TRMT9B: variants seen among roughly 807,000 people sequenced by gnomAD.
TRMT9B encodes tRNA methyltransferase 9B (putative).
Under a neutral mutation model 11.5 loss-of-function variants are expected in TRMT9B, and 16 were observed. The observed-to-expected ratio is 1.39, with a 90% CI of 0.94 to 2.11. The LOEUF is 2.11. Ranked by LOEUF, TRMT9B falls within the 30% of genes most tolerant of loss-of-function variation. The pLI is 0.00. For synonymous variants in TRMT9B, 274 were observed against 192.4 expected (o/e 1.42, Z -3.51); for missense variants, 941 against 553.8 (o/e 1.70, Z -7.02).
chr8:13,027,798 G>T lies in TRMT9B; in HGVS notation c.*5754G>T, dbSNP rs2128907307. 1.5e-5 allele frequency: 2 copies of T among 137,384 alleles called. No individual in the cohort carries two copies. Among genetic ancestry groups the T allele is most frequent in the Admixed American group, 1.8e-4 (2 of 10,880 alleles). 8.5% of individuals were successfully genotyped at this position (137,384 alleles called of 1,614,324 possible). On this transcript the variant is annotated 3_prime_UTR_variant, in exon 5 of 5. Coordinates refer to ENST00000524591, the MANE Select transcript of TRMT9B (RefSeq NM_020844.3). The stretch of plus-strand genomic sequence containing the variant: ...AGCAGATGGGAAAACCACGGAAGTG[G>T]GAGGGAATCAAGAAGCATTAACAGA...
At chr8:12,990,510 C>G (rs892882556) in intron 1 of TRMT9B, among the ~76,000 whole-genome samples, 7 of 152,102 alleles carry the variant, frequency 4.6e-5, no homozygotes, top group African/African-American at 1.2e-4. Context: ...GTAATATTGT[C>G]TTAGGTAGTA....
chr8:12,979,075 C>T (rs113829309), intron 1 of TRMT9B, among the ~76,000 whole-genome samples: 67 of 152,144 alleles, frequency 4.4e-4, no homozygotes, highest in Admixed American at 1.5e-3. Flanking sequence ...GGGGAGGGAA[C>T]GTGGTGGTGT....
chr8:12,981,939 C>T (rs530851127), intron 1 of TRMT9B, among the ~76,000 whole-genome samples: 3 of 152,240 alleles, frequency 2.0e-5, no homozygotes, highest in Admixed American at 1.3e-4. Flanking sequence ...GTCAGTTCTT[C>T]ATAAATTCTG....
chr8:12,963,306 G>A (rs868741153), intron 1 of TRMT9B, among the ~76,000 whole-genome samples: 8 of 152,030 alleles, frequency 5.3e-5, no homozygotes, highest in Admixed American at 2.6e-4. Context: ...GGTGGCATGC[G>A]TCTGTAATCC....
intron 2 of TRMT9B, among the ~76,000 whole-genome samples, chr8:13,005,332 G>A (rs1284152401): frequency 6.6e-6 from 1 of 152,032 alleles, no homozygotes; most frequent in Non-Finnish European, 1.5e-5. Context: ...GATTGTTAAT[G>A]GGTACAAAAA....
At chr8:13,006,081 T>C in intron 2 of TRMT9B, 121 bp from the exon 3 acceptor site, 4 of 850,968 alleles carry the variant, frequency 4.7e-6, no homozygotes, top group Non-Finnish European at 7.2e-6. Flanking sequence ...TATAAGAAAG[T>C]GTGCAAACAG....
At chr8:12,954,988 A>G (rs1801112791) in intron 1 of TRMT9B, among the ~76,000 whole-genome samples, 1 of 152,214 alleles carries the variant, frequency 6.6e-6, no homozygotes, top group Non-Finnish European at 1.5e-5. Flanking sequence ...GTAAATGCTG[A>G]GTACACAGTT....
Position 12,969,693 on chromosome 8 carries a change from GTCTC to G in TRMT9B, c.-199-21137_-199-21134del, listed in dbSNP as rs201615272. On this transcript the variant is annotated intron_variant, in intron 1 of 4. Transcript: ENST00000524591. ...TTTCTTCTTTTTTTAGAGAGTGAGT[GTCTC>G]TCTATACCGCAGGCTGGAGTGTAGA... Among the ~76,000 whole-genome samples the G allele has an allele frequency of 5.3e-3, 802 of 151,470 alleles. 4 individuals are homozygous for G. Among genetic ancestry groups the G allele is most frequent in the African/African-American group, 0.018 (758 of 41,236 alleles).
rs1320981806 is a variant in TRMT9B at position 13,028,719 on chromosome 8, G to A, written c.*6675G>A. ...GCCTCCTGAATAGCTGGGATTACAG[G>A]AACATGCCACCACTCCTGGCTAATT... On this transcript the variant is annotated 3_prime_UTR_variant, in exon 5 of 5. Transcript: ENST00000524591. The A allele has an allele frequency of 6.5e-6, 1 of 153,860 alleles. No individual in the cohort carries two copies. The highest frequency in any genetic ancestry group is 3.4e-3 in the Middle Eastern group (1 of 296). The allele number at this position is 153,860 out of a possible 1,614,324, so 9.5% of individuals were successfully genotyped here. A position where few individuals can be genotyped will look rare whatever the true frequency, so the allele number is the denominator to read the frequency against.
chr8:13,015,459 C>G (rs2460921), intron 4 of TRMT9B, among the ~76,000 whole-genome samples: 2 of 152,026 alleles, frequency 1.3e-5, no homozygotes, highest in Non-Finnish European at 2.9e-5. Context: ...TCAGGTTATC[C>G]TCCTGCCTCA....
chr8:13,004,964 C>G (rs1406031908), intron 2 of TRMT9B, among the ~76,000 whole-genome samples: 2 of 151,900 alleles, frequency 1.3e-5, no homozygotes, highest in Non-Finnish European at 2.9e-5. Context: ...ACTGCAGTCC[C>G]TGGCTCCCAG....
chr8:12,963,397 C>T (rs1238593582), intron 1 of TRMT9B, among the ~76,000 whole-genome samples: 1 of 152,154 alleles, frequency 6.6e-6, no homozygotes, highest in Non-Finnish European at 1.5e-5. Context: ...TGCACCACTG[C>T]ACTCCAGCCT....
chr8:12,970,782 C>G (rs1459693896), intron 1 of TRMT9B, among the ~76,000 whole-genome samples: 2 of 152,160 alleles, frequency 1.3e-5, no homozygotes, highest in African/African-American at 2.4e-5. Flanking sequence ...TCCTGTCACT[C>G]ACTTCATGTC....
At chr8:13,001,680 A>G (rs1024523185) in intron 2 of TRMT9B, among the ~76,000 whole-genome samples, 1 of 152,222 alleles carries the variant, frequency 6.6e-6, no homozygotes, top group Non-Finnish European at 1.5e-5. Flanking sequence ...ATTCTGAGAA[A>G]AAAGCGAGAT....
chr8:12,968,025 C>T (rs1404280972), intron 1 of TRMT9B, among the ~76,000 whole-genome samples: 1 of 152,318 alleles, frequency 6.6e-6, no homozygotes, highest in Non-Finnish European at 1.5e-5. Flanking sequence ...GCTGGGACTA[C>T]AGGCACACAC....
rs1044580634 is a variant in TRMT9B at position 12,983,570 on chromosome 8, T to A, written c.-199-7264T>A. ...CTGTAATCTCAGCTGCTCAGGAGGC[T>A]GAGGCAGGACAATCGCTTGAATCCA... On this transcript the variant is annotated intron_variant, in intron 1 of 4. Transcript: ENST00000524591. Among the ~76,000 whole-genome samples, 119 of 152,122 alleles carry A rather than the reference T, an allele frequency of 7.8e-4. 1 individual carries two copies. The highest frequency in any genetic ancestry group is 2.8e-3 in the African/African-American group (116 of 41,400).
rs546271096 is a variant in TRMT9B, at chr8:13,025,827, C to T, written c.*3783C>T. On this transcript the variant is annotated 3_prime_UTR_variant, in exon 5 of 5. Transcript: ENST00000524591. The stretch of plus-strand genomic sequence containing the variant: ...GTGCTAATTCTTATTTCTCGTTTGC[C>T]TTTCTATTTCCTTCCAAATTCTACA... 3 of 167,004 alleles carry T rather than the reference C, an allele frequency of 1.8e-5. No homozygotes were observed. The highest frequency in any genetic ancestry group is 2.1e-4 in the South Asian group (1 of 4,828). 10.3% of individuals were successfully genotyped at this position (167,004 alleles called of 1,614,324 possible). A position where few individuals can be genotyped will look rare whatever the true frequency, so the allele number is the denominator to read the frequency against.
intron 3 of TRMT9B, chr8:13,011,647 A>G (rs1365128215): frequency 2.0e-6 from 2 of 978,024 alleles, no homozygotes; most frequent in African/African-American, 3.5e-5. Flanking sequence ...CCTCAATCAT[A>G]ACATCAGTAA....
chr8:13,009,259 G>A (rs1344904660), intron 3 of TRMT9B, among the ~76,000 whole-genome samples: 2 of 152,064 alleles, frequency 1.3e-5, no homozygotes, highest in African/African-American at 4.8e-5. Context: ...GTGTCGAAGC[G>A]GGTGGGGTAG....
Sources: gnomAD v4.1 joint callset for allele counts (sites outside exome capture counted in the v4.1 genomes callset) on GRCh38, gnomAD v4.1.1 for gene constraint, MANE v1.5 for transcripts, NCBI Gene and HGNC (gene_info 2026-07-23, HGNC 2026-07-21) for gene names.